NDST3: variants seen among roughly 807,000 people sequenced by gnomAD.
The protein encoded by NDST3 is bifunctional heparan sulfate N-deacetylase/N-sulfotransferase 3.
NDST3 carries 58 observed loss-of-function variants against 96.1 expected under a neutral mutation model. That is an observed-to-expected ratio of 0.60 (90% CI 0.49 to 0.75). The LOEUF (loss-of-function observed/expected upper bound fraction) is 0.75, where lower values mean the gene tolerates loss of function less well. Among genes scored for constraint, NDST3 ranks in the 30% least tolerant of loss-of-function variants. The pLI, the probability that NDST3 is intolerant of heterozygous loss-of-function variation, is 0.00. For synonymous variants in NDST3, 333 were observed against 359.7 expected (o/e 0.93, Z 0.84); for missense variants, 788 against 1,034.2 (o/e 0.76, Z 3.27).
chr4:118,083,407 A>G (rs1728173297), intron 2 of NDST3, among the ~76,000 whole-genome samples: 1 of 152,200 alleles, frequency 6.6e-6, no homozygotes. Flanking sequence ...GAGTAGATTA[A>G]ATGAGATAGT....
intron 1 of NDST3, among the ~76,000 whole-genome samples, chr4:118,040,384 AG>A (rs1724373631): frequency 6.6e-6 from 1 of 151,970 alleles, no homozygotes; most frequent in Non-Finnish European, 1.5e-5. Flanking sequence ...GGAAAGGGGG[AG>A]GGGTGAAAAG....
At chr4:118,143,471 C>G in intron 5 of NDST3, 85 bp from the exon 6 acceptor site, 1 of 1,407,074 alleles carries the variant, frequency 7.1e-7, no homozygotes, top group Non-Finnish European at 9.7e-7. Flanking sequence ...GCTTGTGCAT[C>G]ATCTTGTGTG....
At chr4:118,253,972 G>A (rs535638615) in intron 13 of NDST3, among the ~76,000 whole-genome samples, 12 of 152,150 alleles carry the variant, frequency 7.9e-5, no homozygotes, top group Admixed American at 1.3e-4. Context: ...CGAGTGTGGC[G>A]GCTCATGCCT....
intron 10 of NDST3, among the ~76,000 whole-genome samples, chr4:118,237,508 T>C (rs990240735): frequency 3.3e-5 from 5 of 152,182 alleles, no homozygotes; most frequent in Non-Finnish European, 5.9e-5. Context: ...TTTATATCTA[T>C]GCCTCTATAT....
intron 2 of NDST3, among the ~76,000 whole-genome samples, chr4:118,058,751 T>G (rs1311837672): frequency 6.6e-6 from 1 of 151,880 alleles, no homozygotes; most frequent in Non-Finnish European, 1.5e-5. Context: ...ACTTCCCGAC[T>G]AAGGGTTTTG....
intron 6 of NDST3, among the ~76,000 whole-genome samples, chr4:118,180,687 T>C (rs1033382158): frequency 1.3e-5 from 2 of 152,194 alleles, no homozygotes; most frequent in Non-Finnish European, 2.9e-5. Context: ...GGTCATGTAG[T>C]GCATCTACAG....
rs921098689 is a variant in NDST3 at position 118,034,561 on chromosome 4, C to T, written c.-187C>T. The stretch of plus-strand genomic sequence containing the variant: ...TCTTTTCCATCTATTGCAACTTTCT[C>T]AAGCATTTTCAGCTCTGAACTTTAA... On this transcript the variant is annotated 5_prime_UTR_variant, in exon 1 of 14. Coordinates refer to ENST00000296499, the MANE Select transcript of NDST3 (RefSeq NM_004784.3). The T allele has an allele frequency of 6.6e-6, 1 of 152,182 alleles. No individual in the cohort carries two copies. Among genetic ancestry groups the T allele is most frequent in the African/African-American group, 2.4e-5 (1 of 41,442 alleles). The allele number at this position is 152,182 out of a possible 1,614,324, so 9.4% of individuals were successfully genotyped here.
At chr4:118,034,989 GCTTT>G (rs1434883273) in intron 1 of NDST3, among the ~76,000 whole-genome samples, 3 of 152,026 alleles carry the variant, frequency 2.0e-5, no homozygotes, top group East Asian at 1.9e-4. Flanking sequence ...TCCTCAAAAG[GCTTT>G]CTATTTGATG....
chr4:118,054,703 G>A lies in NDST3; in HGVS notation c.793G>A (p.Asp265Asn), dbSNP rs1725296569. 1 of 1,613,262 alleles carries A rather than the reference G, an allele frequency of 6.2e-7. No homozygotes were observed. The highest frequency in any genetic ancestry group is 1.1e-5 in the South Asian group (1 of 91,070). ...TATTATACATGACCTGGGGCTTCATGATGGAATTCAAAGGGTTCTTTTTGG... is the reference window on the plus strand; with the variant it reads ...TATTATACATGACCTGGGGCTTCATAATGGAATTCAAAGGGTTCTTTTTGG... ...ATIIHDLGLH[D>N]GIQRVLFGNN... Residue 265 changes from aspartate to asparagine, a missense_variant, in exon 2 of 14, where the codon GAT becomes AAT. Around this residue, in one of 3 missense-constraint regions of NDST3, gnomAD observed 490 missense variants for 708.8 expected, o/e 0.69. Transcript: ENST00000296499.
chr4:118,255,337 T>A (rs193293572), intron 13 of NDST3, among the ~76,000 whole-genome samples: 1 of 152,236 alleles, frequency 6.6e-6, no homozygotes, highest in Admixed American at 6.5e-5. Context: ...ACAGAGGTAA[T>A]GAAAATACAA....
intron 2 of NDST3, among the ~76,000 whole-genome samples, chr4:118,098,980 G>A (rs1729561964): frequency 1.3e-5 from 2 of 152,018 alleles, no homozygotes; most frequent in Admixed American, 1.3e-4. Flanking sequence ...AGGACAATAA[G>A]GACCTTTTAA....
intron 6 of NDST3, among the ~76,000 whole-genome samples, chr4:118,147,695 G>A (rs1485119059): frequency 6.6e-6 from 1 of 152,160 alleles, no homozygotes; most frequent in East Asian, 1.9e-4. Flanking sequence ...ATCTTAGGAA[G>A]ATGCAGTAAT....
At chr4:118,034,220 C>T (rs539832983), upstream of NDST3, 15 of 152,220 alleles carry the variant, frequency 9.9e-5, 1 homozygote, top group Admixed American at 5.9e-4. Context: ...TTAACTCTTC[C>T]GCTAGTCAGA....
At chr4:118,251,978 T>C (rs1477534750) in intron 12 of NDST3, among the ~76,000 whole-genome samples, 3 of 152,192 alleles carry the variant, frequency 2.0e-5, no homozygotes, top group Non-Finnish European at 4.4e-5. Context: ...TAGTTTTAAG[T>C]GTGCAGCCAT....
intron 12 of NDST3, among the ~76,000 whole-genome samples, chr4:118,250,181 C>CA (rs1331622409): frequency 6.6e-6 from 1 of 152,168 alleles, no homozygotes; most frequent in Admixed American, 6.5e-5. Context: ...TGTGGACATA[C>CA]ATTTGCATTG....
chr4:118,147,725 T>G (rs957963537), intron 6 of NDST3, among the ~76,000 whole-genome samples: 2 of 152,174 alleles, frequency 1.3e-5, no homozygotes, highest in Non-Finnish European at 2.9e-5. Flanking sequence ...ATATGCTGAT[T>G]GGAAAAGTTC....
At chr4:118,075,841 C>T (rs976435612) in intron 2 of NDST3, among the ~76,000 whole-genome samples, 1 of 152,114 alleles carries the variant, frequency 6.6e-6, no homozygotes, top group Non-Finnish European at 1.5e-5. Flanking sequence ...TCCTCCCATT[C>T]TGTAGGTTGC....
chr4:118,099,203 A>G (rs758434189), intron 2 of NDST3, among the ~76,000 whole-genome samples: 2 of 152,074 alleles, frequency 1.3e-5, no homozygotes, highest in Non-Finnish European at 2.9e-5. Flanking sequence ...CATAGTAATC[A>G]AGTAGCAGAG....
intron 4 of NDST3, among the ~76,000 whole-genome samples, chr4:118,127,368 A>G (rs949334752): frequency 6.6e-6 from 1 of 151,996 alleles, no homozygotes; most frequent in African/African-American, 2.4e-5. Context: ...TGATTTTTGT[A>G]TATGGTGATA....
Sources: allele counts gnomAD v4.1 joint callset (sites outside exome capture counted in the v4.1 genomes callset), GRCh38; gene constraint gnomAD v4.1.1; regional missense constraint gnomAD v4.1.1; transcripts MANE v1.5; gene names NCBI Gene and HGNC (gene_info 2026-07-23, HGNC 2026-07-21).